The following BORA variants were observed in gnomAD, a reference collection of about 807,000 sequenced individuals.
BORA encodes protein aurora borealis.
A neutral mutation model predicts 55.8 loss-of-function variants in BORA; 26 were observed. That is an observed-to-expected ratio of 0.47 (90% CI 0.34 to 0.65). The LOEUF is 0.65. Among genes scored for constraint, BORA ranks in the 30% least tolerant of loss-of-function variants. The probability of loss-of-function intolerance (pLI) is 0.01; values close to 1 mark genes in which losing one functional copy is unlikely to be tolerated. For synonymous variants in BORA, 201 were observed against 216.9 expected (o/e 0.93, Z 0.64); for missense variants, 568 against 671.5 (o/e 0.85, Z 1.70).
At chr13:72,740,641 C>A (rs1593811394) in intron 5 of BORA, among the ~76,000 whole-genome samples, 1 of 152,150 alleles carries the variant, frequency 6.6e-6, no homozygotes, top group African/African-American at 2.4e-5. Context: ...ATACTTAAGC[C>A]TTTACTGACC....
At position 72,741,060 on chromosome 13, in the gene BORA, A is replaced by C. The variant is rs1474391808; in HGVS notation, c.389-2477A>C. 2.0e-5 allele frequency among the ~76,000 whole-genome samples: 3 copies of C among 152,220 alleles called. No homozygotes were observed. In the East Asian group the frequency reaches 5.8e-4, roughly 29 times the overall value. On this transcript the variant is annotated intron_variant, in intron 5 of 11. Transcript: ENST00000390667. ...ATGTTAGCTTGTGCTGGTAGCATTT[A>C]CTATTATTAATATTTATGCAGCAAG... is the stretch of plus-strand genomic sequence containing the variant.
chr13:72,730,721 C>T (rs183811643), intron 2 of BORA, among the ~76,000 whole-genome samples: 2 of 151,974 alleles, frequency 1.3e-5, no homozygotes, highest in African/African-American at 4.8e-5. Context: ...TGATTTTTCT[C>T]GTATTACGTA....
chr13:72,747,766 CA>C (rs1192903801), intron 10 of BORA, among the ~76,000 whole-genome samples: 1 of 152,114 alleles, frequency 6.6e-6, no homozygotes, highest in Non-Finnish European at 1.5e-5. Context: ...CTCATGACCT[CA>C]GTTGATCCGC....
intron 2 of BORA, 126 bp downstream of exon 2, chr13:72,729,219 A>G (rs901344762): frequency 1.3e-5 from 10 of 784,900 alleles, no homozygotes; most frequent in African/African-American, 1.1e-4. Flanking sequence ...TATAGCTGCA[A>G]TATACTTTTT....
At position 72,745,971 on chromosome 13, in the gene BORA, G is replaced by A; in HGVS notation, c.766G>A (p.Ala256Thr). The change falls in exon 9 of 12, where the codon GCT becomes ACT. Residue 256 changes from alanine (A) to threonine (T), a missense_variant. Ala to Thr is a moderately conservative substitution (Grantham distance 58). Coordinates refer to ENST00000390667, the MANE Select transcript of BORA (RefSeq NM_024808.5). ...GCAGTTTTCTTCTAGCCCTATTCAG[G>A]CTAGTGCAAAAAAATACAGCTTGGG... Reference protein sequence around the residue: ...SGQFSSSPIQASAKKYSLGSI... With the variant: ...SGQFSSSPIQTSAKKYSLGSI... The A allele has an allele frequency of 1.2e-6, 2 of 1,612,730 alleles. No individual in the cohort carries two copies. Among genetic ancestry groups the A allele is most frequent in the South Asian group, 1.1e-5 (1 of 90,968 alleles).
chr13:72,737,893 A>G (rs2032960680), intron 4 of BORA, 69 bp from the exon 5 acceptor site: 1 of 991,890 alleles, frequency 1.0e-6, no homozygotes, highest in South Asian at 1.7e-5. Context: ...AATTACTTGG[A>G]AAAACACAGG....
chr13:72,748,206 C>G (rs988976736), intron 10 of BORA, among the ~76,000 whole-genome samples: 1 of 152,130 alleles, frequency 6.6e-6, no homozygotes, highest in African/African-American at 2.4e-5. Flanking sequence ...ACTGTTATCC[C>G]TGTTTTACAG....
At chr13:72,750,498 G>A (rs1469259556) in intron 10 of BORA, among the ~76,000 whole-genome samples, 4 of 152,002 alleles carry the variant, frequency 2.6e-5, no homozygotes, top group Non-Finnish European at 5.9e-5. Context: ...TATGCCTAAG[G>A]TTGCAATTTT....
intron 10 of BORA, among the ~76,000 whole-genome samples, chr13:72,747,330 A>G (rs1795039380): frequency 1.3e-5 from 2 of 152,118 alleles, no homozygotes; most frequent in Admixed American, 6.5e-5. Flanking sequence ...TGATATTTGT[A>G]TGGAGTAGGA....
intron 11 of BORA, chr13:72,754,482 G>A (rs911805123): frequency 1.3e-5 from 2 of 151,820 alleles, no homozygotes; most frequent in Non-Finnish European, 1.5e-5. Flanking sequence ...GCTGTTATAT[G>A]CCAGTTTCTT....
intron 8 of BORA, among the ~76,000 whole-genome samples, chr13:72,745,421 C>G (rs1004387276): frequency 5.9e-5 from 9 of 152,122 alleles, no homozygotes; most frequent in Non-Finnish European, 1.3e-4. Flanking sequence ...CCTTGGACAC[C>G]CCTGTGAGCT....
intron 7 of BORA, 56 bp downstream of exon 7, chr13:72,744,617 C>T: frequency 3.6e-6 from 5 of 1,380,880 alleles, no homozygotes; most frequent in Non-Finnish European, 5.1e-6. Flanking sequence ...TTTTGTTTGG[C>T]TGGCTTTTTG....
chr13:72,748,823 A>G (rs985510907), intron 10 of BORA, among the ~76,000 whole-genome samples: 6 of 152,082 alleles, frequency 3.9e-5, no homozygotes, highest in Admixed American at 6.6e-5. Context: ...ATCTAATCCA[A>G]CTAACCTTTG....
chr13:72,730,828 A>G (rs2032795097), intron 2 of BORA, among the ~76,000 whole-genome samples: 1 of 149,244 alleles, frequency 6.7e-6, no homozygotes. Context: ...AGGTGGGCTG[A>G]TGACTTGAAG....
intron 2 of BORA, among the ~76,000 whole-genome samples, chr13:72,730,910 ATAC>A (rs771313764): frequency 1.6e-4 from 22 of 138,016 alleles, no homozygotes; most frequent in Middle Eastern, 3.9e-3. Flanking sequence ...AAAAAAAAAA[ATAC>A]AAAAATTAGC....
At chr13:72,729,362 A>G (rs2032761865) in intron 2 of BORA, among the ~76,000 whole-genome samples, 1 of 152,102 alleles carries the variant, frequency 6.6e-6, no homozygotes, top group African/African-American at 2.4e-5. Flanking sequence ...GGTTGACGAT[A>G]TAGCTACTAA....
chr13:72,745,492 TA>T (rs2033122345), intron 8 of BORA, among the ~76,000 whole-genome samples: 1 of 152,192 alleles, frequency 6.6e-6, no homozygotes, highest in South Asian at 2.1e-4. Flanking sequence ...TCACAGAAAC[TA>T]ACTCTAGTTC....
At chr13:72,739,324 T>G (rs1473192235) in intron 5 of BORA, among the ~76,000 whole-genome samples, 2 of 152,188 alleles carry the variant, frequency 1.3e-5, no homozygotes, top group Non-Finnish European at 2.9e-5. Context: ...AAGAAGATGC[T>G]TAAAAACACT....
intron 3 of BORA, among the ~76,000 whole-genome samples, chr13:72,732,345 G>A (rs570908058): frequency 3.3e-5 from 5 of 152,262 alleles, no homozygotes; most frequent in Admixed American, 1.3e-4. Flanking sequence ...AATAGAATGA[G>A]GATGAAGCAT....
Sources: allele counts gnomAD v4.1 joint callset (sites outside exome capture counted in the v4.1 genomes callset), GRCh38; gene constraint gnomAD v4.1.1; transcripts MANE v1.5; gene names NCBI Gene and HGNC (gene_info 2026-07-23, HGNC 2026-07-21).